Variants in EFCAB12 observed in about 807,000 individuals in gnomAD.
EFCAB12 encodes the protein EF-hand calcium-binding domain-containing protein 12.
In EFCAB12, 43 loss-of-function variants were observed where a neutral mutation model predicts 53.6. That is an observed-to-expected ratio of 0.80 (90% CI 0.63 to 1.03). The LOEUF is 1.03. EFCAB12 is among the 50% of genes least tolerant of loss of function. The pLI, the probability that EFCAB12 is intolerant of heterozygous loss-of-function variation, is 0.00. For missense variants in EFCAB12, 646 were observed against 730.6 expected (o/e 0.88, Z 1.34); for synonymous variants, 269 against 289.2 (o/e 0.93, Z 0.71).
Position 129,411,357 on chromosome 3 carries a change from G to A in EFCAB12, c.839-3C>T. 7.1e-6 allele frequency: 11 copies of A among 1,557,804 alleles called. No individual in the cohort carries two copies. Among genetic ancestry groups the A allele is most frequent in the Non-Finnish European group, 9.6e-6 (11 of 1,148,496 alleles). On this transcript the variant is annotated splice_region_variant and splice_polypyrimidine_tract_variant and intron_variant, in intron 4 of 8. Transcript: ENST00000505956. The stretch of plus-strand genomic sequence containing the variant: ...TCTGTGCTTGGCCAAGATATAATCT[G>A]GAGTCAGAGGGAAGAGATGAAGGAA...
In EFCAB12 at chr3:129,408,595, C is replaced by T. The variant is rs1577039081; in HGVS notation, c.1249+50G>A. ...CTGGGTGGCATCACCCTCACCCCAG[C>T]TCTGGGGTTCCCTTGGCATCTTCCT... On this transcript the variant is annotated intron_variant, in intron 6 of 8. Transcript: ENST00000505956. 10 of 1,539,016 alleles carry T rather than the reference C, an allele frequency of 6.5e-6. No homozygotes were observed. In the East Asian group the frequency reaches 2.4e-4, roughly 38 times the overall value.
At chr3:129,408,929 A>AT in intron 5 of EFCAB12, 71 bp from the exon 6 acceptor site, 1 of 1,507,694 alleles carries the variant, frequency 6.6e-7, no homozygotes, top group Non-Finnish European at 9.0e-7. Context: ...AAGAAGGAAG[A>AT]TGCAGTGCCT....
At chr3:129,427,248 C>T (rs371609977) in intron 1 of EFCAB12, among the ~76,000 whole-genome samples, 1 of 152,174 alleles carries the variant, frequency 6.6e-6, no homozygotes, top group African/African-American at 2.4e-5. Context: ...CCTCAGCTTC[C>T]CATAGTGCTG....
At chr3:129,413,944 GC>G (rs1392627071) in intron 4 of EFCAB12, 1 of 152,170 alleles carries the variant, frequency 6.6e-6, no homozygotes, top group Non-Finnish European at 1.5e-5. Context: ...ATGCATCACA[GC>G]ACACTGTGGT....
chr3:129,404,267 C>A lies in EFCAB12; in HGVS notation c.1386G>T (p.Lys462Asn). 2 of 1,613,510 alleles carry A rather than the reference C, an allele frequency of 1.2e-6. No individual in the cohort carries two copies. Among genetic ancestry groups the A allele is most frequent in the Non-Finnish European group, 1.7e-6 (2 of 1,179,588 alleles). ...LALLRSQGPG[K>N]SKRTDKKTPK... ...AACTCAGCTTGTCAGTCCTCTTAGA[C>A]TTGCCAGGGCCCTGGGACCGGAGCA... is the stretch of plus-strand genomic sequence containing the variant. Residue 462 changes from lysine to asparagine, a missense_variant, in exon 7 of 9, where the codon AAG (lysine) becomes AAT (asparagine). Coordinates refer to ENST00000505956, the MANE Select transcript of EFCAB12 (RefSeq NM_207307.3).
In EFCAB12 at chr3:129,401,406, T is replaced by G; in HGVS notation, c.*187A>C. Reference sequence around the variant, plus strand: ...TAGTCAAAAACTGCACGTCATTCCTTGGACACATCTACCCTCTGAGACACT... The same window carrying G: ...TAGTCAAAAACTGCACGTCATTCCTGGGACACATCTACCCTCTGAGACACT... On this transcript the variant is annotated 3_prime_UTR_variant, in exon 9 of 9. Coordinates refer to ENST00000505956, the MANE Select transcript of EFCAB12 (RefSeq NM_207307.3). The G allele has an allele frequency of 1.4e-6, 1 of 724,186 alleles. No individual in the cohort carries two copies. Among genetic ancestry groups the G allele is most frequent in the Non-Finnish European group, 2.1e-6 (1 of 476,338 alleles). The allele number at this position is 724,186 out of a possible 1,614,324, so 44.9% of individuals were successfully genotyped here.
At chr3:129,424,873 T>C (rs918109360) in intron 1 of EFCAB12, among the ~76,000 whole-genome samples, 1 of 152,146 alleles carries the variant, frequency 6.6e-6, no homozygotes, top group Non-Finnish European at 1.5e-5. Context: ...ACCCAGAGGG[T>C]AACAAGATGT....
chr3:129,411,661 G>A (rs1390158607), intron 4 of EFCAB12: 2 of 219,664 alleles, frequency 9.1e-6, no homozygotes, highest in Admixed American at 5.4e-5. Context: ...ATAGCCAGGC[G>A]CGGTGGCTCA....
At chr3:129,423,603 T>G (rs1235183371) in intron 1 of EFCAB12, among the ~76,000 whole-genome samples, 1 of 152,168 alleles carries the variant, frequency 6.6e-6, no homozygotes, top group Non-Finnish European at 1.5e-5. Flanking sequence ...TAATCCAGCC[T>G]GGGCAACAGA....
At chr3:129,419,015 A>G (rs9867650) in intron 2 of EFCAB12, among the ~76,000 whole-genome samples, 29,072 of 152,086 alleles carry the variant, frequency 0.19, 3,813 homozygotes, top group East Asian at 0.46. Flanking sequence ...TGCTCCTCCC[A>G]GGGTGCTTAT....
chr3:129,404,084 G>C, intron 7 of EFCAB12, 166 bp downstream of exon 7: 2 of 840,184 alleles, frequency 2.4e-6, no homozygotes, highest in Non-Finnish European at 3.6e-6. Context: ...GGGTGACCCG[G>C]GACTGGCCAG....
intron 7 of EFCAB12, chr3:129,403,701 G>A (rs550216583): frequency 9.8e-5 from 15 of 152,390 alleles, no homozygotes; most frequent in African/African-American, 3.1e-4. Context: ...CTCAAATCTG[G>A]GTAGCTCAGG....
chr3:129,404,987 A>C (rs1314899275), intron 6 of EFCAB12, among the ~76,000 whole-genome samples: 1 of 152,008 alleles, frequency 6.6e-6, no homozygotes, highest in Non-Finnish European at 1.5e-5. Context: ...TGATTTCTTA[A>C]ATTTTTAGTA....
chr3:129,409,904 T>C lies in EFCAB12; in HGVS notation c.1036-1046A>G, dbSNP rs184052013. ...TGCAACTGAATCAAATCTTAGTAGA[T>C]ATAGCACTTAGCAATATCTGCCATT... is the stretch of plus-strand genomic sequence containing the variant. On this transcript the variant is annotated intron_variant, in intron 5 of 8. Coordinates refer to ENST00000505956, the MANE Select transcript of EFCAB12 (RefSeq NM_207307.3). 1.9e-3 allele frequency among the ~76,000 whole-genome samples: 287 copies of C among 152,332 alleles called. 2 individuals carry two copies. The highest frequency in any genetic ancestry group is 6.2e-3 in the African/African-American group (259 of 41,584).
chr3:129,415,198 C>A, intron 4 of EFCAB12, 47 bp downstream of exon 4: 2 of 1,537,452 alleles, frequency 1.3e-6, no homozygotes, highest in Non-Finnish European at 1.7e-6. Context: ...ACCATGCTTG[C>A]TCCCAGGACG....
chr3:129,411,643 T>A (rs774708039), intron 4 of EFCAB12: 1 of 293,840 alleles, frequency 3.4e-6, no homozygotes, highest in African/African-American at 2.2e-5. Flanking sequence ...CTTTAAAAAA[T>A]ATAGAGTATA....
chr3:129,412,597 C>T (rs2072060125), intron 4 of EFCAB12: 1 of 152,564 alleles, frequency 6.6e-6, no homozygotes, highest in Admixed American at 6.5e-5. Flanking sequence ...CCTCAGCTGC[C>T]TTCCCACCTG....
intron 3 of EFCAB12, among the ~76,000 whole-genome samples, chr3:129,417,511 T>C (rs2072133671): frequency 6.6e-6 from 1 of 152,100 alleles, no homozygotes; most frequent in Admixed American, 6.5e-5. Flanking sequence ...TGTGGCTGTG[T>C]TCCAATAAAA....
At chr3:129,424,234 G>C (rs4128191) in intron 1 of EFCAB12, among the ~76,000 whole-genome samples, 10 of 152,042 alleles carry the variant, frequency 6.6e-5, no homozygotes, top group African/African-American at 2.2e-4. Context: ...GTTCCTTTCA[G>C]AGTCAGCAAA....
Sources: allele counts gnomAD v4.1 joint callset (sites outside exome capture counted in the v4.1 genomes callset), GRCh38; gene constraint gnomAD v4.1.1; transcripts MANE v1.5; gene names NCBI Gene and HGNC (gene_info 2026-07-23, HGNC 2026-07-21).